DIP2C: variants seen among roughly 807,000 people sequenced by gnomAD.
DIP2C encodes disco-interacting protein 2 homolog C.
In DIP2C, 33 loss-of-function variants were observed where a neutral mutation model predicts 192.4. The ratio of observed to expected loss-of-function variants is 0.17; its 90% CI spans 0.13 to 0.23. The LOEUF is 0.23. Among genes scored for constraint, DIP2C ranks in the 10% least tolerant of loss-of-function variants. The pLI is 1.00. For missense variants in DIP2C, 1,537 were observed against 2,110.1 expected, an observed-to-expected ratio of 0.73 and a Z score of 5.32; for synonymous variants, 979 against 864.1, an observed-to-expected ratio of 1.13 and a Z score of -2.33.
chr10:380,691 A>G (rs888820749), intron 17 of DIP2C, among the ~76,000 whole-genome samples: 1 of 152,204 alleles, frequency 6.6e-6, no homozygotes, highest in Non-Finnish European at 1.5e-5. Flanking sequence ...TGCCTCCCAC[A>G]TTGGACGTGA....
intron 2 of DIP2C, among the ~76,000 whole-genome samples, chr10:473,499 C>T (rs767351777): frequency 4.6e-5 from 7 of 150,566 alleles, no homozygotes; most frequent in Non-Finnish European, 5.9e-5. Flanking sequence ...ACAGAAAGGA[C>T]GTCACCCCCA....
At chr10:435,190 C>CT (rs1967077843) in intron 4 of DIP2C, among the ~76,000 whole-genome samples, 1 of 152,130 alleles carries the variant, frequency 6.6e-6, no homozygotes, top group Admixed American at 6.5e-5. Context: ...GTTCTCTTTG[C>CT]TTTTCAGTTC....
At chr10:578,370 T>G (rs1314396228) in intron 1 of DIP2C, among the ~76,000 whole-genome samples, 1 of 152,184 alleles carries the variant, frequency 6.6e-6, no homozygotes, top group Non-Finnish European at 1.5e-5. Context: ...TCTCATTTAT[T>G]GAGCTGAGGG....
At chr10:658,197 G>T (rs1310015820) in intron 1 of DIP2C, among the ~76,000 whole-genome samples, 1 of 151,510 alleles carries the variant, frequency 6.6e-6, no homozygotes, top group Non-Finnish European at 1.5e-5. Flanking sequence ...CACTGGACCT[G>T]TCCCTGGACC....
chr10:614,208 G>A (rs1021003943), intron 1 of DIP2C, among the ~76,000 whole-genome samples: 8 of 152,144 alleles, frequency 5.3e-5, no homozygotes, highest in African/African-American at 7.2e-5. Flanking sequence ...AGCCCAAGCC[G>A]AGTCACACTT....
intron 1 of DIP2C, among the ~76,000 whole-genome samples, chr10:508,701 A>C (rs1033628277): frequency 6.6e-5 from 10 of 152,004 alleles, no homozygotes; most frequent in Non-Finnish European, 1.2e-4. Context: ...GTAAGAAAAA[A>C]GCCTCCCATG....
intron 9 of DIP2C, among the ~76,000 whole-genome samples, chr10:399,591 G>C (rs376794543): frequency 6.6e-6 from 1 of 152,184 alleles, no homozygotes; most frequent in Admixed American, 6.5e-5. Context: ...AGCATGTGCA[G>C]GACTCAGCTC....
intron 17 of DIP2C, 90 bp from the exon 18 acceptor site, chr10:369,723 G>A: frequency 6.3e-7 from 1 of 1,597,830 alleles, no homozygotes; most frequent in Non-Finnish European, 8.5e-7. Flanking sequence ...GGCAGGCTGG[G>A]CACCTCTGGG....
At chr10:360,636 C>T (rs887792004) in intron 22 of DIP2C, among the ~76,000 whole-genome samples, 6 of 151,968 alleles carry the variant, frequency 3.9e-5, no homozygotes, top group Non-Finnish European at 5.9e-5. Flanking sequence ...TCCTGCTATT[C>T]GGGGGCAATA....
chr10:637,951 A>T (rs1854928548), intron 1 of DIP2C, among the ~76,000 whole-genome samples: 1 of 152,210 alleles, frequency 6.6e-6, no homozygotes, highest in Non-Finnish European at 1.5e-5. Flanking sequence ...ACACAAGCTC[A>T]TCCATTAAGA....
rs997351446 is a variant in DIP2C at position 316,266 on chromosome 10, G to A, written c.3925-6174C>T. Reference sequence around the variant, plus strand: ...TGAAAAACGAAGATTGTATTTAAAAGAACAGTAAAGATTAAATAACATTTA... The same window carrying A: ...TGAAAAACGAAGATTGTATTTAAAAAAACAGTAAAGATTAAATAACATTTA... On this transcript the variant is annotated intron_variant, in intron 31 of 36. Coordinates refer to ENST00000280886, the MANE Select transcript of DIP2C (RefSeq NM_014974.3). Among the ~76,000 whole-genome samples the A allele has an allele frequency of 2.6e-5, 4 of 152,246 alleles. No homozygotes were observed. The East Asian group carries it at 5.8e-4, about 22-fold the overall frequency.
chr10:571,643 A>G (rs1849822668), intron 1 of DIP2C, among the ~76,000 whole-genome samples: 1 of 152,146 alleles, frequency 6.6e-6, no homozygotes, highest in East Asian at 1.9e-4. Context: ...TTTTATTGCA[A>G]TGATTATTCT....
intron 1 of DIP2C, among the ~76,000 whole-genome samples, chr10:586,327 C>T (rs936008426): frequency 3.9e-5 from 6 of 152,198 alleles, no homozygotes; most frequent in South Asian, 2.1e-4. Context: ...GAATGCATAT[C>T]GGACACATGA....
intron 1 of DIP2C, chr10:661,875 T>G (rs928858325): frequency 1.5e-4 from 88 of 602,092 alleles, no homozygotes; most frequent in Non-Finnish European, 3.0e-6. Flanking sequence ...TCCTCCTGAT[T>G]TCCAGCAAAG....
intron 3 of DIP2C, among the ~76,000 whole-genome samples, chr10:446,630 G>A (rs1157798669): frequency 6.6e-6 from 1 of 152,220 alleles, no homozygotes; most frequent in South Asian, 2.1e-4. Flanking sequence ...GAACCACGGA[G>A]AATGGCCATG....
At chr10:592,830 G>C (rs140148969) in intron 1 of DIP2C, among the ~76,000 whole-genome samples, 25 of 151,528 alleles carry the variant, frequency 1.6e-4, no homozygotes, top group Non-Finnish European at 3.2e-4. Context: ...GAAGATGTAC[G>C]AGCCGTCCCT....
At chr10:608,158 C>T (rs12413338) in intron 1 of DIP2C, among the ~76,000 whole-genome samples, 2 of 55,426 alleles carry the variant, frequency 3.6e-5, no homozygotes, top group African/African-American at 2.1e-4. Flanking sequence ...CCACACACAC[C>T]CCCACAGCCC....
chr10:327,161 A>T lies in DIP2C; in HGVS notation c.3769T>A (p.Leu1257Met). The T allele has an allele frequency of 1.2e-6, 2 of 1,613,962 alleles. No individual in the cohort carries two copies. The highest frequency in any genetic ancestry group is 1.7e-6 in the Non-Finnish European group (2 of 1,180,014). The change falls in exon 31 of 37, where the codon TTG becomes ATG. Residue 1257 changes from leucine (L) to methionine (M), a missense_variant. Leu to Met is a conservative substitution (Grantham distance 15). This residue lies in a region of DIP2C where 341 missense variants were observed against 551.7 expected (regional missense o/e 0.62). Transcript: ENST00000280886. ...TESLKARGLD[L>M]SRVRTCVVVA... ...ACCACGCAGGTCCTCACTCGGGACA[A>T]GTCCAGCCCTCGCGCCTGGAGATGA...
chr10:555,142 CTT>C (rs1365020373), intron 1 of DIP2C, among the ~76,000 whole-genome samples: 3 of 151,988 alleles, frequency 2.0e-5, no homozygotes, highest in Non-Finnish European at 4.4e-5. Context: ...ACCACAATCT[CTT>C]TACCCATATG....
Sources: allele counts gnomAD v4.1 joint callset (sites outside exome capture counted in the v4.1 genomes callset), GRCh38; gene constraint gnomAD v4.1.1; regional missense constraint gnomAD v4.1.1; transcripts MANE v1.5; gene names NCBI Gene and HGNC (gene_info 2026-07-23, HGNC 2026-07-21).